Variants in COBLL1 observed in about 807,000 individuals in gnomAD.
The protein encoded by COBLL1 is cordon-bleu protein-like 1.
Under a neutral mutation model 94.8 loss-of-function variants are expected in COBLL1, and 50 were observed. The ratio of observed to expected loss-of-function variants is 0.53; its 90% CI spans 0.42 to 0.67. The LOEUF (loss-of-function observed/expected upper bound fraction) is 0.67. COBLL1 is among the 30% of genes least tolerant of loss of function. The pLI, the probability that COBLL1 is intolerant of heterozygous loss-of-function variation, is 0.00. For missense variants in COBLL1, 1,362 were observed against 1,348.7 expected (o/e 1.01, Z -0.15); for synonymous variants, 448 against 473.8 (o/e 0.95, Z 0.71).
chr2:164,729,837 G>T, intron 4 of COBLL1, 77 bp downstream of exon 4: 1 of 1,266,688 alleles, frequency 7.9e-7, no homozygotes, highest in Non-Finnish European at 1.1e-6. Flanking sequence ...AACCAGTAAA[G>T]TCCATTTTTA....
chr2:164,813,796 C>T (rs897521141), intron 2 of COBLL1, among the ~76,000 whole-genome samples: 2 of 152,094 alleles, frequency 1.3e-5, no homozygotes, highest in African/African-American at 4.8e-5. Context: ...TATATGATCA[C>T]ATGATTATTT....
downstream of COBLL1, among the ~76,000 whole-genome samples, chr2:164,675,328 C>T (rs1428006940): frequency 6.6e-6 from 1 of 152,188 alleles, no homozygotes; most frequent in East Asian, 1.9e-4. Flanking sequence ...CAGCCTTCTA[C>T]AAGTGAGCTG....
chr2:164,724,485 A>G (rs1439901076), intron 5 of COBLL1: 2 of 152,200 alleles, frequency 1.3e-5, no homozygotes, highest in Non-Finnish European at 2.9e-5. Flanking sequence ...GAACACGGGA[A>G]GCTATAAAAC....
At chr2:164,716,347 T>C (rs551494671) in intron 7 of COBLL1, among the ~76,000 whole-genome samples, 2 of 152,316 alleles carry the variant, frequency 1.3e-5, no homozygotes, top group South Asian at 4.1e-4. Context: ...GTTGCACAAA[T>C]GGCATTTCAA....
Position 164,694,552 on chromosome 2 carries a change from G to C in COBLL1, c.2840C>G (p.Ser947Cys). 6.2e-7 allele frequency: 1 copy of C among 1,613,998 alleles called. No homozygotes were observed. ...DVIGQAPAEA[S>C]PPPIAPKPVT... ...AGGTTTTGGAGCTATGGGAGGAGGG[G>C]AGGCTTCAGCAGGAGCCTGACCGAT... The change falls in exon 12 of 14, where the codon TCC becomes TGC. Residue 947 changes from serine (S) to cysteine (C), a missense_variant. Ser to Cys is a moderately radical substitution (Grantham distance 112). Coordinates refer to ENST00000652658, the MANE Select transcript of COBLL1 (RefSeq NM_001365672.2).
rs1007436876 is a variant in COBLL1 at position 164,688,492 on chromosome 2, A to T, written c.3301-2460T>A. Among the ~76,000 whole-genome samples, 3 of 152,156 alleles carry T rather than the reference A, an allele frequency of 2.0e-5. No individual in the cohort carries two copies. In the East Asian group the frequency reaches 5.8e-4, roughly 29 times the overall value. The stretch of plus-strand genomic sequence containing the variant: ...TGAATGAGGAACATATTACACTTAT[A>T]ATACAGATACTTAAAAAAACAGCAT... On this transcript the variant is annotated intron_variant, in intron 13 of 13. Transcript: ENST00000652658.
intron 2 of COBLL1, among the ~76,000 whole-genome samples, chr2:164,747,029 C>T (rs1686892988): frequency 6.6e-6 from 1 of 152,130 alleles, no homozygotes; most frequent in Non-Finnish European, 1.5e-5. Context: ...TCTCTGGGAC[C>T]ATGCCTGCCA....
chr2:164,679,848 A>C (rs796085668), downstream of COBLL1, among the ~76,000 whole-genome samples: 1 of 152,032 alleles, frequency 6.6e-6, no homozygotes, highest in East Asian at 1.9e-4. Flanking sequence ...CGATGGGTTG[A>C]TGGGTGCAGC....
chr2:164,722,545 T>C, intron 5 of COBLL1, 23 bp from the exon 6 acceptor site: 1 of 1,301,346 alleles, frequency 7.7e-7, no homozygotes, highest in Non-Finnish European at 1.0e-6. Context: ...AAAAGCATCT[T>C]ACTTTTGTAT....
In COBLL1 at chr2:164,664,532, A is replaced by G. The variant is rs184495133; in HGVS notation, n.181+1315T>C. Among the ~76,000 whole-genome samples, 898 of 152,320 alleles carry G rather than the reference A, an allele frequency of 5.9e-3. 4 individuals carry two copies. The highest frequency in any genetic ancestry group is 8.9e-3 in the Non-Finnish European group (604 of 68,026). On this transcript the variant is annotated intron_variant and non_coding_transcript_variant, in intron 2 of 2. Coordinates refer to the COBLL1 transcript ENST00000495084. ...AAAAATAAATCAACAGCCACACAAA[A>G]TGAGGGATAATCAATCATTGCAGAC...
chr2:164,718,399 A>T, intron 7 of COBLL1: 1 of 199,902 alleles, frequency 5.0e-6, no homozygotes, highest in Non-Finnish European at 9.0e-6. Context: ...GAAGCCCTTT[A>T]TGAACTGCTA....
rs758925908 is a variant in COBLL1 at position 164,700,495 on chromosome 2, C to T, written c.1460+27G>A. 4 of 1,432,040 alleles carry T rather than the reference C, an allele frequency of 2.8e-6. No homozygotes were observed. The African/African-American group carries it at 4.3e-5, about 15-fold the overall frequency. 88.7% of individuals were successfully genotyped at this position (1,432,040 alleles called of 1,614,324 possible). A position where few individuals can be genotyped will look rare whatever the true frequency, so the allele number is the denominator to read the frequency against. ...TAGTATTAATTAAACTAACGGCCAC[C>T]AACACTCCAGCACAGAGACTACTTA... On this transcript the variant is annotated intron_variant, in intron 10 of 13. Transcript: ENST00000652658.
intron 2 of COBLL1, among the ~76,000 whole-genome samples, chr2:164,783,733 C>A (rs898952513): frequency 6.6e-6 from 1 of 151,946 alleles, no homozygotes; most frequent in African/African-American, 2.4e-5. Context: ...TTTAGGAGGC[C>A]AAGGAGGGAG....
intron 2 of COBLL1, among the ~76,000 whole-genome samples, chr2:164,664,072 G>A (rs933584409): frequency 6.6e-6 from 1 of 152,228 alleles, no homozygotes; most frequent in African/African-American, 2.4e-5. Context: ...AGGCTTCACA[G>A]ATGAAGTGAC....
chr2:164,698,345 A>G (rs1390285733), intron 11 of COBLL1: 2 of 151,016 alleles, frequency 1.3e-5, no homozygotes, highest in Non-Finnish European at 3.0e-5. Flanking sequence ...AATCAGTAGC[A>G]CACATAATCA....
At chr2:164,692,436 G>A in intron 12 of COBLL1, 39 bp from the exon 13 acceptor site, 1 of 1,519,934 alleles carries the variant, frequency 6.6e-7, no homozygotes, top group Non-Finnish European at 8.9e-7. Context: ...TGAATGCCAA[G>A]AAAAGAATGG....
At chr2:164,724,629 T>G (rs528026124) in intron 5 of COBLL1, 30 of 152,332 alleles carry the variant, frequency 2.0e-4, no homozygotes, top group African/African-American at 7.0e-4. Context: ...TAAATCACAA[T>G]ATAATTTCAA....
In COBLL1 at chr2:164,841,435, C is replaced by A; in HGVS notation, c.-50-189G>T. Reference sequence around the variant, plus strand: ...CCGCCGCCGTCTCTACAAGGTCTAGCGGGCGCCCAGAGCACGGCGGAGGAG... The same window carrying A: ...CCGCCGCCGTCTCTACAAGGTCTAGAGGGCGCCCAGAGCACGGCGGAGGAG... On this transcript the variant is annotated intron_variant, in intron 1 of 13. Coordinates refer to ENST00000652658, the MANE Select transcript of COBLL1 (RefSeq NM_001365672.2). This position sits in a 1 kb window ranked among gnomAD's most constrained non-coding sequence, Gnocchi z 5.5. 1.7e-6 allele frequency: 2 copies of A among 1,153,506 alleles called. No individual in the cohort carries two copies. The highest frequency in any genetic ancestry group is 2.1e-6 in the Non-Finnish European group (2 of 938,478). 71.5% of individuals were successfully genotyped at this position (1,153,506 alleles called of 1,614,324 possible). A position where few individuals can be genotyped will look rare whatever the true frequency, so the allele number is the denominator to read the frequency against.
At chr2:164,837,527 G>A (rs749165505) in intron 2 of COBLL1, 4 of 434,108 alleles carry the variant, frequency 9.2e-6, no homozygotes, top group African/African-American at 2.1e-5. Flanking sequence ...AACCAACCTA[G>A]GATTTCCACT....
Sources: gnomAD v4.1 joint callset for allele counts (sites outside exome capture counted in the v4.1 genomes callset) on GRCh38, gnomAD v4.1.1 for gene constraint, Gnocchi (gnomAD v3.1) non-coding constraint, MANE v1.5 for transcripts, NCBI Gene and HGNC (gene_info 2026-07-23, HGNC 2026-07-21) for gene names.